The following GNAL variants were observed in gnomAD, a reference collection of about 807,000 sequenced individuals.
GNAL encodes G protein subunit alpha L.
A neutral mutation model predicts 55.1 loss-of-function variants in GNAL; 18 were observed. The ratio of observed to expected loss-of-function variants is 0.33; its 90% CI spans 0.23 to 0.48. GNAL has a LOEUF of 0.48. Ranked by LOEUF, GNAL falls within the 20% of genes least tolerant of loss-of-function variation. The pLI is 0.99. For missense variants in GNAL, 412 were observed against 614.1 expected, an observed-to-expected ratio of 0.67 and a Z score of 3.48; for synonymous variants, 253 against 237.0, an observed-to-expected ratio of 1.07 and a Z score of -0.62.
chr18:11,867,432 A>T (rs987611445), intron 8 of GNAL, among the ~76,000 whole-genome samples: 3 of 152,134 alleles, frequency 2.0e-5, no homozygotes, highest in African/African-American at 7.2e-5. Flanking sequence ...TAATCCCAGC[A>T]CCTTGGGAGG....
intron 11 of GNAL, among the ~76,000 whole-genome samples, chr18:11,878,524 C>G (rs1282514445): frequency 6.6e-6 from 1 of 152,174 alleles, no homozygotes; most frequent in Non-Finnish European, 1.5e-5. Flanking sequence ...TTTTAAAGCT[C>G]TAGACAGGGA....
chr18:11,824,499 T>C (rs1181526510), intron 4 of GNAL, among the ~76,000 whole-genome samples: 1 of 151,664 alleles, frequency 6.6e-6, no homozygotes, highest in African/African-American at 2.4e-5. Context: ...ACCAGCCTGG[T>C]CAACATGGTG....
chr18:11,756,211 C>T (rs1284683069), intron 4 of GNAL, among the ~76,000 whole-genome samples: 1 of 152,172 alleles, frequency 6.6e-6, no homozygotes, highest in Non-Finnish European at 1.5e-5. Context: ...GAATCCAAAA[C>T]ATCTAATTTG....
chr18:11,744,487 C>T (rs1008737018), intron 1 of GNAL, among the ~76,000 whole-genome samples: 2 of 151,962 alleles, frequency 1.3e-5, no homozygotes, highest in African/African-American at 4.8e-5. Context: ...TGATCATCTA[C>T]TCAGGTTATT....
At chr18:11,835,742 CT>C (rs1191069463) in intron 5 of GNAL, among the ~76,000 whole-genome samples, 1 of 152,148 alleles carries the variant, frequency 6.6e-6, no homozygotes, top group Non-Finnish European at 1.5e-5. Context: ...TATCACAATA[CT>C]TTTGTTTGCT....
chr18:11,696,560 G>A (rs959322778), intron 1 of GNAL, among the ~76,000 whole-genome samples: 2 of 151,608 alleles, frequency 1.3e-5, no homozygotes, highest in East Asian at 3.9e-4. Flanking sequence ...AGAATGCAGT[G>A]ATGTTGCATT....
At chr18:11,798,158 A>G (rs1354838832) in intron 4 of GNAL, among the ~76,000 whole-genome samples, 1 of 152,210 alleles carries the variant, frequency 6.6e-6, no homozygotes, top group Non-Finnish European at 1.5e-5. Context: ...ACTTGAGCCC[A>G]GGAGTTTGAA....
intron 4 of GNAL, among the ~76,000 whole-genome samples, chr18:11,789,803 A>G (rs899163049): frequency 2.6e-5 from 4 of 152,232 alleles, no homozygotes; most frequent in African/African-American, 9.6e-5. Flanking sequence ...GAAGGACGTG[A>G]AAAGCTTAGA....
intron 4 of GNAL, among the ~76,000 whole-genome samples, chr18:11,772,249 G>A (rs1331304560): frequency 6.6e-6 from 1 of 152,208 alleles, no homozygotes; most frequent in Admixed American, 6.5e-5. Context: ...TTCAGGAAAT[G>A]TATGTGCTTC....
chr18:11,813,908 T>C (rs2034887701), intron 4 of GNAL, among the ~76,000 whole-genome samples: 1 of 152,034 alleles, frequency 6.6e-6, no homozygotes, highest in South Asian at 2.1e-4. Flanking sequence ...AAAAAAAATT[T>C]TAACAGAGAG....
At chr18:11,715,202 G>A (rs1353912447) in intron 1 of GNAL, among the ~76,000 whole-genome samples, 1 of 151,530 alleles carries the variant, frequency 6.6e-6, no homozygotes, top group East Asian at 1.9e-4. Context: ...GCTCACGCCT[G>A]TAATCCCAGC....
intron 4 of GNAL, among the ~76,000 whole-genome samples, chr18:11,819,926 G>A (rs2143620847): frequency 6.6e-6 from 1 of 152,082 alleles, no homozygotes; most frequent in Middle Eastern, 3.4e-3. Flanking sequence ...AATTTTATAT[G>A]CACAGGGGCG....
At chr18:11,867,360 T>G in intron 8 of GNAL, 134 bp downstream of exon 8, 1 of 681,200 alleles carries the variant, frequency 1.5e-6, no homozygotes, top group Non-Finnish European at 2.6e-6. Context: ...TGATGCTCCT[T>G]CCTTAGATAC....
chr18:11,741,147 G>A (rs2032567426), intron 1 of GNAL, among the ~76,000 whole-genome samples: 1 of 152,220 alleles, frequency 6.6e-6, no homozygotes, highest in Non-Finnish European at 1.5e-5. Context: ...AGTGGGAAAG[G>A]AGGTAGGCTT....
intron 1 of GNAL, among the ~76,000 whole-genome samples, chr18:11,693,158 G>A (rs1017145755): frequency 7.3e-6 from 1 of 136,306 alleles, no homozygotes; most frequent in Non-Finnish European, 1.6e-5. Flanking sequence ...TAAAATAAAG[G>A]ATATGAGAAG....
chr18:11,829,473 G>A (rs73944917), intron 5 of GNAL, among the ~76,000 whole-genome samples: 2,076 of 152,154 alleles, frequency 0.014, 49 homozygotes, highest in African/African-American at 0.047. Flanking sequence ...CTTTTACTTT[G>A]CCAAATAAGA....
At chr18:11,710,666 T>G (rs191531588) in intron 1 of GNAL, among the ~76,000 whole-genome samples, 1 of 151,950 alleles carries the variant, frequency 6.6e-6, no homozygotes, top group Non-Finnish European at 1.5e-5. Flanking sequence ...TTTTGCCAGG[T>G]ATAGTGTTCT....
chr18:11,840,070 T>C (rs908841517), intron 5 of GNAL, among the ~76,000 whole-genome samples: 3 of 152,240 alleles, frequency 2.0e-5, no homozygotes, highest in African/African-American at 7.2e-5. Flanking sequence ...CTAGGATCCA[T>C]GATATCAACA....
intron 11 of GNAL, among the ~76,000 whole-genome samples, chr18:11,879,898 T>G (rs2036623267): frequency 6.6e-6 from 1 of 152,206 alleles, no homozygotes; most frequent in Non-Finnish European, 1.5e-5. Flanking sequence ...ACTGCCCCTG[T>G]GTGGAGGCCG....
Sources: allele counts gnomAD v4.1 joint callset (sites outside exome capture counted in the v4.1 genomes callset), GRCh38; gene constraint gnomAD v4.1.1; transcripts MANE v1.5; gene names NCBI Gene and HGNC (gene_info 2026-07-23, HGNC 2026-07-21).